Variants in CLASP2 observed in about 807,000 individuals in gnomAD.
The protein encoded by CLASP2 is cytoplasmic linker associated protein 2, also known as CLIP-associating protein 2.
Under a neutral mutation model 194.4 loss-of-function variants are expected in CLASP2, and 47 were observed. The observed-to-expected ratio is 0.24, with a 90% confidence interval of 0.19 to 0.31. The LOEUF (loss-of-function observed/expected upper bound fraction) is 0.31, where lower values mean the gene tolerates loss of function less well. Ranked by LOEUF, CLASP2 falls within the 10% of genes least tolerant of loss-of-function variation. The pLI, the probability that CLASP2 is intolerant of heterozygous loss-of-function variation, is 1.00. For missense variants in CLASP2, 1,445 were observed against 1,823.6 expected (o/e 0.79, Z 3.78); for synonymous variants, 619 against 633.5 (o/e 0.98, Z 0.34).
chr3:33,667,134 A>G (rs996124811), intron 6 of CLASP2, among the ~76,000 whole-genome samples: 2 of 152,106 alleles, frequency 1.3e-5, no homozygotes, highest in Admixed American at 1.3e-4. Flanking sequence ...GATTTTGGCC[A>G]GGTACGGTGG....
chr3:33,663,993 C>T (rs759441505), intron 6 of CLASP2, among the ~76,000 whole-genome samples: 1 of 152,118 alleles, frequency 6.6e-6, no homozygotes, highest in Non-Finnish European at 1.5e-5. Context: ...CTGTTTCACA[C>T]GACTGTTTTC....
chr3:33,705,374 G>A (rs1350730105), intron 1 of CLASP2, among the ~76,000 whole-genome samples: 2 of 152,170 alleles, frequency 1.3e-5, no homozygotes, highest in African/African-American at 4.8e-5. Flanking sequence ...AATAGTGGTA[G>A]CTTAGGACTA....
At chr3:33,513,785 T>A (rs1030973261) in intron 36 of CLASP2, among the ~76,000 whole-genome samples, 6 of 152,208 alleles carry the variant, frequency 3.9e-5, no homozygotes, top group African/African-American at 1.4e-4. Context: ...CATTTGTATA[T>A]CTTTGGAGAA....
intron 2 of CLASP2, 48 bp downstream of exon 2, chr3:33,696,804 GTCA>G: frequency 8.5e-7 from 1 of 1,180,880 alleles, no homozygotes; most frequent in Non-Finnish European, 1.2e-6. Flanking sequence ...AACGAAAAAA[GTCA>G]TCATGTCAAA....
chr3:33,546,893 T>C (rs546464843), intron 30 of CLASP2, among the ~76,000 whole-genome samples: 1 of 152,336 alleles, frequency 6.6e-6, no homozygotes, highest in South Asian at 2.1e-4. Context: ...CCAACTTATC[T>C]GTTTTTCCAT....
At chr3:33,556,438 T>C (rs918228318) in intron 29 of CLASP2, among the ~76,000 whole-genome samples, 4 of 149,670 alleles carry the variant, frequency 2.7e-5, no homozygotes, top group Non-Finnish European at 4.4e-5. Flanking sequence ...TTTCTTTCTT[T>C]CTTTTTTTTT....
chr3:33,624,725 A>G (rs934058055), intron 10 of CLASP2, among the ~76,000 whole-genome samples: 1 of 152,132 alleles, frequency 6.6e-6, no homozygotes, highest in Non-Finnish European at 1.5e-5. Context: ...TCTCTCTATC[A>G]AAGTACGTTC....
At chr3:33,706,738 G>A (rs981860903) in intron 1 of CLASP2, among the ~76,000 whole-genome samples, 3 of 152,120 alleles carry the variant, frequency 2.0e-5, no homozygotes, top group African/African-American at 7.2e-5. Flanking sequence ...AAGACGGGAG[G>A]AATGCTTGAG....
chr3:33,667,406 C>CAAAAAAAAAAAAAAAAAAA lies in CLASP2; in HGVS notation c.645-3910_645-3892dup, dbSNP rs537846651. Reference sequence around the variant, plus strand: ...CCTGGGTGACAGAGTGAGACTATCTCAAAAAAAAAAAAAAAAAAAAAAGAC... The same window carrying CAAAAAAAAAAAAAAAAAAA: ...CCTGGGTGACAGAGTGAGACTATCTCAAAAAAAAAAAAAAAAAAAAAAAAAAAAAAAAAAAAAAAAAGAC... On this transcript the variant is annotated intron_variant, in intron 6 of 38. Transcript: ENST00000682230. Among the ~76,000 whole-genome samples the CAAAAAAAAAAAAAAAAAAA allele has an allele frequency of 1.1e-3, 50 of 44,116 alleles. 9 individuals are homozygous for CAAAAAAAAAAAAAAAAAAA. Among genetic ancestry groups the CAAAAAAAAAAAAAAAAAAA allele is most frequent in the African/African-American group, 4.3e-3 (40 of 9,286 alleles). The allele number at this position is 44,116 out of a possible 152,430, so 28.9% of individuals were successfully genotyped here.
chr3:33,580,257 G>T (rs1366233498), intron 23 of CLASP2, among the ~76,000 whole-genome samples: 1 of 152,126 alleles, frequency 6.6e-6, no homozygotes. Context: ...CAGAGAATGA[G>T]AAATTAACCA....
intron 33 of CLASP2, among the ~76,000 whole-genome samples, chr3:33,537,943 C>A (rs1215356018): frequency 6.6e-6 from 1 of 152,136 alleles, no homozygotes; most frequent in Non-Finnish European, 1.5e-5. Flanking sequence ...AGATCGAGAC[C>A]ATCCTGGCTA....
intron 6 of CLASP2, among the ~76,000 whole-genome samples, chr3:33,684,131 G>A (rs1318003127): frequency 6.6e-6 from 1 of 151,688 alleles, no homozygotes; most frequent in Non-Finnish European, 1.5e-5. Flanking sequence ...TCTAATCCCA[G>A]CTACTCGGGA....
intron 6 of CLASP2, among the ~76,000 whole-genome samples, chr3:33,668,952 A>T (rs2086665870): frequency 6.6e-6 from 1 of 152,236 alleles, no homozygotes; most frequent in African/African-American, 2.4e-5. Flanking sequence ...TATTTCAGTA[A>T]GAACATTAAA....
At chr3:33,637,040 G>A (rs140867369) in intron 8 of CLASP2, among the ~76,000 whole-genome samples, 1 of 152,250 alleles carries the variant, frequency 6.6e-6, no homozygotes, top group Non-Finnish European at 1.5e-5. Flanking sequence ...ACTTAAATAC[G>A]TAGGTAAGCT....
At chr3:33,585,331 C>G (rs918939321) in intron 21 of CLASP2, among the ~76,000 whole-genome samples, 9 of 152,150 alleles carry the variant, frequency 5.9e-5, no homozygotes, top group Admixed American at 2.6e-4. Context: ...GGGATACATT[C>G]TGAGAAACGT....
Position 33,717,832 on chromosome 3 carries a change from G to A in CLASP2, c.171C>T (p.Gly57=), listed in dbSNP as rs189397130. The change falls in exon 1 of 39, where the codon GGC becomes GGT. Residue 57 remains glycine, a synonymous_variant. Transcript: ENST00000682230. ...RLGKTVDALT[G]WVGSSNYRVS... ...CCCGGTAGTTGCTCGAACCCACCCAGCCGGTGAGCGCGTCGACTGTCTTGC... is the reference window on the plus strand; with the variant it reads ...CCCGGTAGTTGCTCGAACCCACCCAACCGGTGAGCGCGTCGACTGTCTTGC... The A allele has an allele frequency of 2.4e-3, 3,731 of 1,562,794 alleles. 98 individuals are homozygous for A. The Admixed American group carries it at 0.053, about 22-fold the overall frequency.
At position 33,690,796 on chromosome 3, in the gene CLASP2, A is replaced by T. The variant is rs550199714; in HGVS notation, c.275-864T>A. ...TTTGTCCAACATACCCGCACTGTTC[A>T]TGCTACCTGCCTATTAGTCCCTTAG... On this transcript the variant is annotated intron_variant, in intron 2 of 38. Transcript: ENST00000682230. 3.3e-5 allele frequency among the ~76,000 whole-genome samples: 5 copies of T among 152,302 alleles called. No individual in the cohort carries two copies. The South Asian group carries it at 8.3e-4, about 25-fold the overall frequency.
At chr3:33,513,077 T>C (rs956546281) in intron 36 of CLASP2, among the ~76,000 whole-genome samples, 14 of 152,172 alleles carry the variant, frequency 9.2e-5, no homozygotes, top group Admixed American at 2.6e-4. Context: ...TCAGCTTTAA[T>C]ACCTTAAGGG....
chr3:33,650,477 A>T (rs1426536638), intron 7 of CLASP2, among the ~76,000 whole-genome samples: 1 of 152,214 alleles, frequency 6.6e-6, no homozygotes, highest in East Asian at 1.9e-4. Context: ...AAGCATATTA[A>T]AATATATTGA....
Sources: allele counts gnomAD v4.1 joint callset (sites outside exome capture counted in the v4.1 genomes callset), GRCh38; gene constraint gnomAD v4.1.1; transcripts MANE v1.5; gene names NCBI Gene and HGNC (gene_info 2026-07-23, HGNC 2026-07-21).